The following NEDD4 variants were observed in gnomAD, a reference collection of about 807,000 sequenced individuals.
NEDD4 encodes NEDD4 E3 ubiquitin protein ligase.
In NEDD4, 99 loss-of-function variants were observed where a neutral mutation model predicts 144.9. That is an observed-to-expected ratio of 0.68 (90% CI 0.58 to 0.81). The LOEUF is 0.81. Among genes scored for constraint, NEDD4 ranks in the 30% least tolerant of loss-of-function variants. The pLI is 0.00. For missense variants in NEDD4, 985 were observed against 1,065.9 expected (o/e 0.92, Z 1.06); for synonymous variants, 318 against 350.6 (o/e 0.91, Z 1.04).
At chr15:55,975,078 A>C (rs1436306916) in intron 1 of NEDD4, among the ~76,000 whole-genome samples, 1 of 151,390 alleles carries the variant, frequency 6.6e-6, no homozygotes, top group Non-Finnish European at 1.5e-5. Context: ...TTTTTAGTAG[A>C]GACAGGGTTT....
rs777257673 is a variant in NEDD4, at chr15:55,872,448, T to C, written c.371A>G (p.Tyr124Cys). The C allele has an allele frequency of 9.1e-5, 134 of 1,471,392 alleles. No homozygotes were observed. Among genetic ancestry groups the C allele is most frequent in the Non-Finnish European group, 1.2e-4 (128 of 1,094,290 alleles). 91.1% of individuals were successfully genotyped at this position (1,471,392 alleles called of 1,614,324 possible). A position where few individuals can be genotyped will look rare whatever the true frequency, so the allele number is the denominator to read the frequency against. The change falls in exon 7 of 29, where the codon TAT becomes TGT. Residue 124 changes from tyrosine (Y) to cysteine (C), a missense_variant. By Grantham distance (194) the Tyr-to-Cys change is radical. Coordinates refer to ENST00000435532, the MANE Select transcript of NEDD4 (RefSeq NM_006154.4). ...ATGAAGAACAAAATCCTTAAATGTA[T>C]ATGGTCTCTCCAATCTTGGATTTTC... ...PTENPRLERPYTFKDFVLHPR... is the reference protein window; with the variant it reads ...PTENPRLERPCTFKDFVLHPR...
At chr15:55,836,228 C>T (rs1595725547) in intron 24 of NEDD4, among the ~76,000 whole-genome samples, 1 of 152,114 alleles carries the variant, frequency 6.6e-6, no homozygotes, top group Non-Finnish European at 1.5e-5. Context: ...CTGTTCATTT[C>T]ACTCTTTACA....
chr15:55,918,465 T>C (rs536017858), intron 5 of NEDD4, among the ~76,000 whole-genome samples: 3 of 152,062 alleles, frequency 2.0e-5, no homozygotes, highest in Non-Finnish European at 2.9e-5. Context: ...CATAGGAAAG[T>C]AAAAGGTAAA....
At chr15:55,916,783 A>G (rs768753371) in intron 5 of NEDD4, 1 of 1,612,976 alleles carries the variant, frequency 6.2e-7, no homozygotes, top group East Asian at 2.2e-5. Context: ...GACAAAGGGT[A>G]AGTATTGCTT....
At chr15:55,951,716 A>G (rs2037244563) in intron 2 of NEDD4, 127 bp from the exon 3 acceptor site, 5 of 727,852 alleles carry the variant, frequency 6.9e-6, no homozygotes, top group Non-Finnish European at 1.0e-5. Flanking sequence ...CCTGAATTTA[A>G]AAGTCAGGAT....
intron 2 of NEDD4, among the ~76,000 whole-genome samples, chr15:55,954,806 G>A (rs2142309140): frequency 6.6e-6 from 1 of 151,780 alleles, no homozygotes; most frequent in Admixed American, 6.5e-5. Context: ...ATACAGGCGT[G>A]AGCCACCGTG....
chr15:55,873,907 T>A, intron 6 of NEDD4, 51 bp downstream of exon 6: 2 of 960,340 alleles, frequency 2.1e-6, no homozygotes, highest in South Asian at 4.0e-5. Context: ...TAAGTATTTA[T>A]TAAATTAAAA....
At chr15:55,990,707 G>C (rs550336634) in intron 1 of NEDD4, among the ~76,000 whole-genome samples, 1 of 152,234 alleles carries the variant, frequency 6.6e-6, no homozygotes, top group African/African-American at 2.4e-5. Flanking sequence ...ACAGTGTTTA[G>C]TTTTCCCACC....
chr15:55,855,737 G>C (rs142040608), intron 12 of NEDD4, among the ~76,000 whole-genome samples: 19 of 152,338 alleles, frequency 1.2e-4, no homozygotes, highest in South Asian at 2.1e-4. Flanking sequence ...GCCAGTGCAC[G>C]CCTGAGTGAT....
intron 1 of NEDD4, among the ~76,000 whole-genome samples, chr15:55,970,597 G>A (rs1388059720): frequency 6.6e-6 from 1 of 152,140 alleles, no homozygotes; most frequent in East Asian, 1.9e-4. Flanking sequence ...GACTCCAATT[G>A]GTTGGGGGAA....
Position 55,993,563 on chromosome 15 carries a change from C to G in NEDD4, c.-8G>C, listed in dbSNP as rs1462206013. On this transcript the variant is annotated 5_prime_UTR_variant, in exon 1 of 29. Coordinates refer to ENST00000435532, the MANE Select transcript of NEDD4 (RefSeq NM_006154.4). ...CACCGCGCAAGTTGCCATTTCCGAA[C>G]GCTTCCAGCAAACCGGACGCGCTCG... is the stretch of plus-strand genomic sequence containing the variant. The G allele has an allele frequency of 6.3e-7, 1 of 1,592,286 alleles. No individual in the cohort carries two copies. The highest frequency in any genetic ancestry group is 1.4e-5 in the African/African-American group (1 of 72,458).
intron 5 of NEDD4, among the ~76,000 whole-genome samples, chr15:55,907,408 C>T (rs1214301956): frequency 2.0e-5 from 3 of 152,102 alleles, no homozygotes; most frequent in African/African-American, 7.2e-5. Context: ...TAGGTGTTTA[C>T]CTGCATGAAG....
At chr15:55,852,315 A>G (rs548990245) in intron 13 of NEDD4, 109 bp downstream of exon 13, 35 of 1,196,146 alleles carry the variant, frequency 2.9e-5, no homozygotes, top group Middle Eastern at 2.3e-4. Context: ...AAAAAAAAAA[A>G]GAAGGTGGTA....
At chr15:55,842,811 C>A (rs2033574673) in intron 18 of NEDD4, among the ~76,000 whole-genome samples, 2 of 152,200 alleles carry the variant, frequency 1.3e-5, no homozygotes, top group African/African-American at 4.8e-5. Context: ...TTGTGCCTGT[C>A]TGTTCAGGCT....
chr15:55,935,958 A>T (rs1253946413), intron 4 of NEDD4, among the ~76,000 whole-genome samples: 1 of 151,862 alleles, frequency 6.6e-6, no homozygotes, highest in Non-Finnish European at 1.5e-5. Context: ...AGAGAAAGCC[A>T]AGAGAATCCC....
intron 5 of NEDD4, among the ~76,000 whole-genome samples, chr15:55,903,845 CATATATATAT>C (rs34829007): frequency 8.2e-6 from 1 of 122,324 alleles, no homozygotes; most frequent in Non-Finnish European, 1.6e-5. Flanking sequence ...AAAAAACACA[CATATATATAT>C]ATATATATAT....
intron 5 of NEDD4, among the ~76,000 whole-genome samples, chr15:55,875,313 T>TTTAA (rs2142074113): frequency 6.6e-6 from 1 of 152,294 alleles, no homozygotes; most frequent in South Asian, 2.1e-4. Flanking sequence ...TTTTATTTTA[T>TTTAA]TTAATTTTAT....
At chr15:55,907,884 T>TTA (rs2036150754) in intron 5 of NEDD4, among the ~76,000 whole-genome samples, 1 of 152,222 alleles carries the variant, frequency 6.6e-6, no homozygotes, top group African/African-American at 2.4e-5. Context: ...AGACACCCAG[T>TTA]TATACGGTAC....
In NEDD4 at chr15:55,827,578, C is replaced by T. The variant is rs1217295509; in HGVS notation, c.*2319G>A. The T allele has an allele frequency of 6.6e-6, 1 of 152,118 alleles. No individual in the cohort carries two copies. Among genetic ancestry groups the T allele is most frequent in the African/African-American group, 2.4e-5 (1 of 41,426 alleles). The allele number at this position is 152,118 out of a possible 1,614,324, so 9.4% of individuals were successfully genotyped here. ...ATATTTAAATAATTGTGGCAAAATC[C>T]TGTTTTAACAAAAATAATTTTCACA... On this transcript the variant is annotated 3_prime_UTR_variant, in exon 29 of 29. Transcript: ENST00000435532.
Sources: allele counts gnomAD v4.1 joint callset (sites outside exome capture counted in the v4.1 genomes callset), GRCh38; gene constraint gnomAD v4.1.1; transcripts MANE v1.5; gene names NCBI Gene and HGNC (gene_info 2026-07-23, HGNC 2026-07-21).